TTC7A: variants seen among roughly 807,000 people sequenced by gnomAD.
The protein encoded by TTC7A is tetratricopeptide repeat protein 7A.
A neutral mutation model predicts 103.7 loss-of-function variants in TTC7A; 110 were observed. The ratio of observed to expected loss-of-function variants is 1.06; its 90% confidence interval spans 0.91 to 1.24. The LOEUF is 1.24. Ranked by LOEUF, TTC7A falls within the 50% of genes most tolerant of loss-of-function variation. The probability of loss-of-function intolerance (pLI) is 0.00; values close to 1 mark genes in which losing one functional copy is unlikely to be tolerated. For synonymous variants in TTC7A, 521 were observed against 467.9 expected, an observed-to-expected ratio of 1.11 and a Z score of -1.47; for missense variants, 1,340 against 1,116.3, an observed-to-expected ratio of 1.20 and a Z score of -2.86.
chr2:47,047,455 G>C (rs1682442046), intron 16 of TTC7A: 1 of 649,130 alleles, frequency 1.5e-6, no homozygotes, highest in South Asian at 2.0e-5. Flanking sequence ...CTGGGGTTGA[G>C]GGACTTTTCA....
chr2:47,004,495 G>A lies in TTC7A; in HGVS notation c.1066-1427G>A, dbSNP rs1282860792. 2.0e-5 allele frequency among the ~76,000 whole-genome samples: 3 copies of A among 152,294 alleles called. No homozygotes were observed. The East Asian group carries it at 5.8e-4, about 29-fold the overall frequency. On this transcript the variant is annotated intron_variant, in intron 8 of 19. Coordinates refer to ENST00000319190, the MANE Select transcript of TTC7A (RefSeq NM_020458.4). ...GGAGGGATGGGGTAGCTCTGATGAG[G>A]GAGATCTGGGTTTTTAGGGCTGGCA...
intron 1 of TTC7A, chr2:46,917,162 A>T (rs966112575): frequency 1.2e-5 from 8 of 695,128 alleles, no homozygotes; most frequent in Admixed American, 4.1e-5. Context: ...ATAATCCCTA[A>T]TTTTTTTTTC....
intron 2 of TTC7A, among the ~76,000 whole-genome samples, chr2:46,951,048 T>TTTC (rs1220953877): frequency 6.6e-6 from 1 of 152,164 alleles, no homozygotes; most frequent in African/African-American, 2.4e-5. Context: ...AAAACCTCAG[T>TTTC]GAACCTGTGA....
intron 8 of TTC7A, 88 bp downstream of exon 8, chr2:46,995,287 C>A: frequency 1.5e-6 from 2 of 1,313,424 alleles, no homozygotes; most frequent in Non-Finnish European, 2.2e-6. Flanking sequence ...CACCCGTGAC[C>A]TAGCCAAACT....
chr2:46,965,265 T>G (rs1022940149), intron 3 of TTC7A, among the ~76,000 whole-genome samples: 1 of 152,248 alleles, frequency 6.6e-6, no homozygotes, highest in African/African-American at 2.4e-5. Context: ...CTACGCTGCT[T>G]CCAGGACAGG....
intron 18 of TTC7A, among the ~76,000 whole-genome samples, chr2:47,052,891 G>T (rs574815033): frequency 3.9e-5 from 6 of 152,282 alleles, no homozygotes; most frequent in African/African-American, 9.6e-5. Flanking sequence ...GTCCCCAGGG[G>T]GGGAGTTGGA....
intron 2 of TTC7A, among the ~76,000 whole-genome samples, chr2:46,927,873 GT>G (rs1168058653): frequency 4.4e-5 from 6 of 135,910 alleles, no homozygotes; most frequent in African/African-American, 1.6e-4. Flanking sequence ...TAATATTGGG[GT>G]TTTTTTGGTG....
At chr2:47,058,431 G>C (rs1683497029) in intron 18 of TTC7A, among the ~76,000 whole-genome samples, 1 of 152,218 alleles carries the variant, frequency 6.6e-6, no homozygotes. Context: ...TTTTAGTTAG[G>C]CCTCTCCTGC....
At chr2:47,046,570 A>C (rs1484598708) in intron 16 of TTC7A, 139 bp downstream of exon 16, 4 of 675,960 alleles carry the variant, frequency 5.9e-6, no homozygotes, top group Non-Finnish European at 1.0e-5. Context: ...TCCTGCCCAC[A>C]GAGCTTTCAC....
Position 47,070,154 on chromosome 2 carries a change from T to C in TTC7A, c.2356-3548T>C, listed in dbSNP as rs1388655471. ...ATCATCAGGCACTGAACTTATGGGC[T>C]GGGATGGTGTGCAGTGGAATTCTGA... On this transcript the variant is annotated intron_variant, in intron 19 of 19. Coordinates refer to ENST00000319190, the MANE Select transcript of TTC7A (RefSeq NM_020458.4). Among the ~76,000 whole-genome samples the C allele has an allele frequency of 2.6e-5, 4 of 152,362 alleles. No individual in the cohort carries two copies. In the East Asian group the frequency reaches 7.7e-4, roughly 29 times the overall value.
At chr2:47,009,276 C>G (rs1572894710) in intron 10 of TTC7A, among the ~76,000 whole-genome samples, 1 of 152,154 alleles carries the variant, frequency 6.6e-6, no homozygotes, top group African/African-American at 2.4e-5. Context: ...TGCTAACACC[C>G]TCTTGTGCTT....
chr2:46,994,453 A>G lies in TTC7A; in HGVS notation c.940A>G (p.Lys314Glu). 1.2e-6 allele frequency: 2 copies of G among 1,614,054 alleles called. No individual in the cohort carries two copies. Among genetic ancestry groups the G allele is most frequent in the Admixed American group, 1.7e-5 (1 of 60,016 alleles). The change falls in exon 7 of 20, where the codon AAG (lysine) becomes GAG (glutamate). Residue 314 changes from lysine to glutamate, a missense_variant. By Grantham distance (56) the Lys-to-Glu change is moderately conservative. Coordinates refer to ENST00000319190, the MANE Select transcript of TTC7A (RefSeq NM_020458.4). Reference sequence around the variant, plus strand: ...CCACCCTCTGCCTGAGTTCATGGGCAAGGAGGAGAGTTCTTTCGCCACTCA... The same window carrying G: ...CCACCCTCTGCCTGAGTTCATGGGCGAGGAGGAGAGTTCTTTCGCCACTCA... The part of the protein sequence containing the change: ...LSHPLPEFMG[K>E]EESSFATQAL...
chr2:47,037,258 T>G (rs1681217008), intron 15 of TTC7A, among the ~76,000 whole-genome samples: 1 of 152,214 alleles, frequency 6.6e-6, no homozygotes, highest in Non-Finnish European at 1.5e-5. Flanking sequence ...GAGCAGAGAC[T>G]GGCCTCTCCT....
At chr2:47,073,182 C>A (rs780162820) in intron 19 of TTC7A, among the ~76,000 whole-genome samples, 1 of 152,216 alleles carries the variant, frequency 6.6e-6, no homozygotes, top group Non-Finnish European at 1.5e-5. Context: ...CGTCCTCCTC[C>A]GTCTCTCTGC....
chr2:47,012,309 C>A (rs1678160435), intron 11 of TTC7A, among the ~76,000 whole-genome samples: 1 of 152,206 alleles, frequency 6.6e-6, no homozygotes, highest in Admixed American at 6.5e-5. Context: ...TTTCTACCCT[C>A]TCAAGCAACA....
intron 18 of TTC7A, among the ~76,000 whole-genome samples, chr2:47,056,211 C>G (rs114266596): frequency 6.6e-6 from 1 of 152,190 alleles, no homozygotes; most frequent in African/African-American, 2.4e-5. Context: ...CCTCCCTTGC[C>G]CTCTCCCCAC....
At chr2:47,050,382 T>C in intron 17 of TTC7A, 1 of 284,058 alleles carries the variant, frequency 3.5e-6, no homozygotes, top group African/African-American at 2.1e-5. Context: ...CCTTGGCAGA[T>C]CAAGTCAAAT....
intron 4 of TTC7A, among the ~76,000 whole-genome samples, chr2:46,977,357 C>T (rs13395498): frequency 0.32 from 49,129 of 152,142 alleles, 9,085 homozygotes; most frequent in East Asian, 0.65. Context: ...TAAATCTCCT[C>T]TGGATTCTGA....
intron 3 of TTC7A, among the ~76,000 whole-genome samples, chr2:46,957,577 C>G (rs1259942222): frequency 2.0e-5 from 3 of 152,200 alleles, no homozygotes; most frequent in African/African-American, 7.2e-5. Context: ...AGCTCTTAGC[C>G]TTCCAGGGTC....
Sources: allele counts gnomAD v4.1 joint callset (sites outside exome capture counted in the v4.1 genomes callset), GRCh38; gene constraint gnomAD v4.1.1; transcripts MANE v1.5; gene names NCBI Gene and HGNC (gene_info 2026-07-23, HGNC 2026-07-21).